RBFOX1: variants seen among roughly 807,000 people sequenced by gnomAD.
RBFOX1 encodes the protein RNA binding fox-1 homolog 1.
Under a neutral mutation model 57.7 loss-of-function variants are expected in RBFOX1, and 8 were observed. That is an observed-to-expected ratio of 0.14 (90% CI 0.08 to 0.25). RBFOX1 has a LOEUF of 0.25. Ranked by LOEUF, RBFOX1 falls within the 10% of genes least tolerant of loss-of-function variation. The pLI is 1.00. For missense variants in RBFOX1, 611 were observed against 548.5 expected (o/e 1.11, Z -1.14); for synonymous variants, 326 against 222.4 (o/e 1.47, Z -4.15).
intron 3 of RBFOX1, among the ~76,000 whole-genome samples, chr16:6,805,420 G>T (rs184759365): frequency 1.3e-5 from 2 of 152,146 alleles, no homozygotes. Flanking sequence ...GAGAAGAGCA[G>T]AAAAAAATAA....
chr16:5,877,085 G>A (rs560079362), intron 4 of RBFOX1, among the ~76,000 whole-genome samples: 10 of 152,314 alleles, frequency 6.6e-5, no homozygotes, highest in African/African-American at 2.4e-4. Flanking sequence ...GTAGGGCACT[G>A]TGCTCCCTCC....
intron 2 of RBFOX1, among the ~76,000 whole-genome samples, chr16:6,463,208 A>G (rs758130923): frequency 6.6e-6 from 1 of 152,224 alleles, no homozygotes; most frequent in Non-Finnish European, 1.5e-5. Context: ...TATGAAATCT[A>G]ACATGCATTA....
At chr16:5,857,098 A>G (rs892074214) in intron 3 of RBFOX1, among the ~76,000 whole-genome samples, 1 of 152,138 alleles carries the variant, frequency 6.6e-6, no homozygotes, top group African/African-American at 2.4e-5. Context: ...TCACTTGAAC[A>G]CTTAAAGGTC....
chr16:5,729,525 G>A (rs1220123361), intron 3 of RBFOX1, among the ~76,000 whole-genome samples: 1 of 151,590 alleles, frequency 6.6e-6, no homozygotes, highest in Non-Finnish European at 1.5e-5. Flanking sequence ...TCAGAGATAG[G>A]CATGTGGGAA....
intron 3 of RBFOX1, among the ~76,000 whole-genome samples, chr16:5,820,730 A>G (rs1198866164): frequency 6.6e-6 from 1 of 152,132 alleles, no homozygotes; most frequent in Non-Finnish European, 1.5e-5. Flanking sequence ...CCTGAGTGAC[A>G]CCGTTCCCCC....
At chr16:7,383,633 C>T (rs1320317578) in intron 4 of RBFOX1, among the ~76,000 whole-genome samples, 1 of 152,140 alleles carries the variant, frequency 6.6e-6, no homozygotes, top group Non-Finnish European at 1.5e-5. Flanking sequence ...GAGAATATGA[C>T]ACCTTCATGA....
At chr16:5,931,569 C>G (rs2059057892) in intron 4 of RBFOX1, among the ~76,000 whole-genome samples, 1 of 152,136 alleles carries the variant, frequency 6.6e-6, no homozygotes, top group African/African-American at 2.4e-5. Context: ...ATAGGTAAGT[C>G]TTTGAGCAGC....
At chr16:5,576,091 A>G (rs2046445556) in intron 2 of RBFOX1, among the ~76,000 whole-genome samples, 2 of 152,072 alleles carry the variant, frequency 1.3e-5, no homozygotes, top group African/African-American at 2.4e-5. Context: ...GGTTCAAGCA[A>G]TTCTGCCTCT....
At chr16:7,663,529 G>A (rs1299629128) in intron 12 of RBFOX1, among the ~76,000 whole-genome samples, 2 of 151,412 alleles carry the variant, frequency 1.3e-5, no homozygotes, top group African/African-American at 4.9e-5. Flanking sequence ...GTGTGTGTGT[G>A]TGTTGTAAAA....
chr16:6,410,168 CTGTGTGTGTGTGTGTG>C (rs3066618), intron 2 of RBFOX1, among the ~76,000 whole-genome samples: 1 of 146,942 alleles, frequency 6.8e-6, no homozygotes, highest in East Asian at 2.0e-4. Context: ...CATCATAAGG[CTGTGTGTGTGTGTGTG>C]TGTGTGTGTG....
chr16:6,406,112 C>T (rs1231084451), intron 2 of RBFOX1, among the ~76,000 whole-genome samples: 2 of 152,216 alleles, frequency 1.3e-5, no homozygotes, highest in Non-Finnish European at 2.9e-5. Flanking sequence ...TAAACTTTTC[C>T]ACATGTAGTA....
At chr16:6,636,092 C>T (rs1000027113) in intron 2 of RBFOX1, among the ~76,000 whole-genome samples, 3 of 152,128 alleles carry the variant, frequency 2.0e-5, no homozygotes, top group Non-Finnish European at 2.9e-5. Flanking sequence ...ATATGGAGGT[C>T]GGGTATTGAA....
intron 3 of RBFOX1, among the ~76,000 whole-genome samples, chr16:6,656,940 C>CT (rs1386493752): frequency 2.8e-5 from 2 of 70,370 alleles, no homozygotes; most frequent in African/African-American, 5.5e-5. Flanking sequence ...CCCCTCTCCT[C>CT]CCCTTTCCTC....
At chr16:5,472,612 G>C (rs539788372) in intron 2 of RBFOX1, among the ~76,000 whole-genome samples, 1 of 152,264 alleles carries the variant, frequency 6.6e-6, no homozygotes, top group South Asian at 2.1e-4. Flanking sequence ...ATTTCTTAGA[G>C]TGATTTCTGT....
At chr16:5,624,097 G>A (rs1212720912) in intron 3 of RBFOX1, among the ~76,000 whole-genome samples, 2 of 152,190 alleles carry the variant, frequency 1.3e-5, no homozygotes, top group Non-Finnish European at 1.5e-5. Context: ...AAAGAGTTTG[G>A]GGATTTGGAA....
chr16:6,324,867 G>C (rs111515009), intron 2 of RBFOX1, among the ~76,000 whole-genome samples: 3 of 152,150 alleles, frequency 2.0e-5, no homozygotes, highest in African/African-American at 7.2e-5. Flanking sequence ...GATAAGTTAC[G>C]ACCAGAAGCA....
At chr16:6,171,192 A>G (rs916192514) in intron 1 of RBFOX1, among the ~76,000 whole-genome samples, 5 of 152,138 alleles carry the variant, frequency 3.3e-5, no homozygotes, top group African/African-American at 1.2e-4. Flanking sequence ...TTCTTTGTCT[A>G]TATATGCAGG....
chr16:6,628,924 G>T (rs892208108), intron 2 of RBFOX1, among the ~76,000 whole-genome samples: 3 of 152,132 alleles, frequency 2.0e-5, no homozygotes, highest in Non-Finnish European at 2.9e-5. Context: ...CAGCTACTAG[G>T]GAGGCTGAGA....
Position 5,753,170 on chromosome 16 carries a change from A to T in RBFOX1, c.319-114133A>T, listed in dbSNP as rs563940478. On this transcript the variant is annotated intron_variant, in intron 3 of 19. Coordinates refer to the RBFOX1 transcript ENST00000641259. Reference sequence around the variant, plus strand: ...ACAAAACCTTGTCTTAAAAAAAAAAAAGTGAAAATGCTTGTGTGTGTATGA... The same window carrying T: ...ACAAAACCTTGTCTTAAAAAAAAAATAGTGAAAATGCTTGTGTGTGTATGA... Among the ~76,000 whole-genome samples, 399 of 152,158 alleles carry T rather than the reference A, an allele frequency of 2.6e-3. 1 individual carries two copies. Among genetic ancestry groups the T allele is most frequent in the Non-Finnish European group, 4.1e-3 (282 of 68,000 alleles).
Sources: gnomAD v4.1 joint callset for allele counts (sites outside exome capture counted in the v4.1 genomes callset) on GRCh38, gnomAD v4.1.1 for gene constraint, MANE v1.5 for transcripts, NCBI Gene and HGNC (gene_info 2026-07-23, HGNC 2026-07-21) for gene names.